The following TMPRSS11B variants were observed in gnomAD, a reference collection of about 807,000 sequenced individuals.
TMPRSS11B encodes transmembrane serine protease 11B, also known as transmembrane protease serine 11B.
TMPRSS11B carries 53 observed loss-of-function variants against 44.7 expected under a neutral mutation model. That is an observed-to-expected ratio of 1.19 (90% CI 0.95 to 1.49). The LOEUF is 1.49. TMPRSS11B is among the 40% of genes most tolerant of loss of function. The pLI is 0.00. For missense variants in TMPRSS11B, 526 were observed against 494.8 expected, an observed-to-expected ratio of 1.06 and a Z score of -0.60; for synonymous variants, 140 against 159.2, an observed-to-expected ratio of 0.88 and a Z score of 0.91.
chr4:68,231,665 GC>G (rs1719519792), intron 6 of TMPRSS11B, among the ~76,000 whole-genome samples: 1 of 152,120 alleles, frequency 6.6e-6, no homozygotes, highest in Non-Finnish European at 1.5e-5. Flanking sequence ...TGAAGGAGGA[GC>G]TTTGCCTCAT....
intron 2 of TMPRSS11B, among the ~76,000 whole-genome samples, chr4:68,237,664 T>G (rs1719709365): frequency 6.6e-6 from 1 of 152,172 alleles, no homozygotes; most frequent in African/African-American, 2.4e-5. Flanking sequence ...TCCCCAAATA[T>G]AAACTGCTTC....
In TMPRSS11B at chr4:68,226,915, A is replaced by G. The variant is rs1298299226; in HGVS notation, c.*996T>C. 6.6e-6 allele frequency: 1 copy of G among 152,246 alleles called. No homozygotes were observed. Among genetic ancestry groups the G allele is most frequent in the East Asian group, 1.9e-4 (1 of 5,200 alleles). The allele number at this position is 152,246 out of a possible 1,614,324, so 9.4% of individuals were successfully genotyped here. Reference sequence around the variant, plus strand: ...AATGTTATATAAATAATTGCCACTCAAAAGTCATTCTTTAATTCCTGACAA... The same window carrying G: ...AATGTTATATAAATAATTGCCACTCGAAAGTCATTCTTTAATTCCTGACAA... On this transcript the variant is annotated 3_prime_UTR_variant, in exon 10 of 10. Transcript: ENST00000332644.
At chr4:68,242,704 G>A (rs1475039366) in intron 1 of TMPRSS11B, among the ~76,000 whole-genome samples, 1 of 151,218 alleles carries the variant, frequency 6.6e-6, no homozygotes, top group Non-Finnish European at 1.5e-5. Context: ...CTGAGTATCT[G>A]GGACCACAGG....
chr4:68,237,720 T>C (rs1719711144), intron 2 of TMPRSS11B, among the ~76,000 whole-genome samples: 1 of 152,164 alleles, frequency 6.6e-6, no homozygotes, highest in Non-Finnish European at 1.5e-5. Flanking sequence ...ACAAGCCTCT[T>C]AAAAATAGGA....
Position 68,245,452 on chromosome 4 carries a change from T to C in TMPRSS11B, c.8+99A>G. 5.3e-6 allele frequency: 7 copies of C among 1,320,956 alleles called. No individual in the cohort carries two copies. In the South Asian group the frequency reaches 7.1e-5, roughly 13 times the overall value. The allele number at this position is 1,320,956 out of a possible 1,614,324, so 81.8% of individuals were successfully genotyped here. On this transcript the variant is annotated intron_variant, in intron 1 of 9. Transcript: ENST00000332644. Reference sequence around the variant, plus strand: ...CTTAACAGTGTCCAGGAATAAAAACTAAATTATAAAAACAGTCAATTAACA... The same window carrying C: ...CTTAACAGTGTCCAGGAATAAAAACCAAATTATAAAAACAGTCAATTAACA...
rs189562576 is a variant in TMPRSS11B at position 68,234,425 on chromosome 4, A to G, written c.469+38T>C. The G allele has an allele frequency of 3.2e-6, 5 of 1,575,346 alleles. No individual in the cohort carries two copies. The East Asian group carries it at 9.0e-5, about 28-fold the overall frequency. On this transcript the variant is annotated intron_variant, in intron 5 of 9. Transcript: ENST00000332644. ...TTTTTAAAAAAATAATCCAGAAAAAACCTATGTAATAGAAAATAATGGAAA... is the reference window on the plus strand; with the variant it reads ...TTTTTAAAAAAATAATCCAGAAAAAGCCTATGTAATAGAAAATAATGGAAA...
At chr4:68,229,192 T>A (rs1374158521) in intron 8 of TMPRSS11B, 65 bp downstream of exon 8, 1 of 1,288,984 alleles carries the variant, frequency 7.8e-7, no homozygotes, top group East Asian at 2.6e-5. Context: ...GATTGATTGA[T>A]TGATTGATTG....
intron 4 of TMPRSS11B, 67 bp downstream of exon 4, chr4:68,235,935 A>G (rs1480316191): frequency 2.3e-5 from 19 of 829,960 alleles, no homozygotes; most frequent in Non-Finnish European, 3.4e-5. Context: ...ATTGTTATCT[A>G]AAATCAAGGT....
At chr4:68,228,176 T>C (rs1719409805) in intron 9 of TMPRSS11B, 104 bp from the exon 10 acceptor site, 1 of 1,066,688 alleles carries the variant, frequency 9.4e-7, no homozygotes, top group Non-Finnish European at 1.3e-6. Flanking sequence ...ACCAATTCAC[T>C]CTCTTTGGGC....
intron 7 of TMPRSS11B, among the ~76,000 whole-genome samples, chr4:68,230,452 C>T (rs1719476517): frequency 6.6e-6 from 1 of 152,046 alleles, no homozygotes; most frequent in Non-Finnish European, 1.5e-5. Context: ...GATGGCAAGA[C>T]AAGGAAGCAC....
rs529014094 is a variant in TMPRSS11B, at chr4:68,230,769, A to G, written c.686+434T>C. On this transcript the variant is annotated intron_variant, in intron 7 of 9. Coordinates refer to ENST00000332644, the MANE Select transcript of TMPRSS11B (RefSeq NM_182502.3). ...CAGTGAGCTGAGATCGCACCATTGCACTCCAACCTGGGCAACAGATTGAGA... is the reference window on the plus strand; with the variant it reads ...CAGTGAGCTGAGATCGCACCATTGCGCTCCAACCTGGGCAACAGATTGAGA... Among the ~76,000 whole-genome samples, 3 of 149,778 alleles carry G rather than the reference A, an allele frequency of 2.0e-5. No individual in the cohort carries two copies. In the East Asian group the frequency reaches 6.0e-4, roughly 30 times the overall value.
At chr4:68,234,809 C>T (rs1330268121) in intron 4 of TMPRSS11B, among the ~76,000 whole-genome samples, 186 bp from the exon 5 acceptor site, 2 of 152,098 alleles carry the variant, frequency 1.3e-5, no homozygotes, top group Non-Finnish European at 2.9e-5. Context: ...ACGTCTAGTT[C>T]AGATGTGCTA....
intron 1 of TMPRSS11B, among the ~76,000 whole-genome samples, chr4:68,242,877 A>G (rs1265579615): frequency 6.6e-6 from 1 of 152,238 alleles, no homozygotes; most frequent in East Asian, 1.9e-4. Flanking sequence ...TATTTTCTAT[A>G]ATGTTTCTAC....
Position 68,229,328 on chromosome 4 carries a change from G to C in TMPRSS11B, c.875C>G (p.Pro292Arg). Reference sequence around the variant, plus strand: ...TTCTGAGAGCTTCATTTTGGCTTCAGGAAGACAAATCTTACGAATGTACTC... The same window carrying C: ...TTCTGAGAGCTTCATTTTGGCTTCACGAAGACAAATCTTACGAATGTACTC... ...FTEYIRKICL[P>R]EAKMKLSEND... Residue 292 changes from proline (P) to arginine (R), a missense_variant, in exon 8 of 10, where the codon CCT (proline) becomes CGT (arginine). By Grantham distance (103) the Pro-to-Arg change is moderately radical (BLOSUM62 -2). Coordinates refer to ENST00000332644, the MANE Select transcript of TMPRSS11B (RefSeq NM_182502.3). 1 of 1,613,800 alleles carries C rather than the reference G, an allele frequency of 6.2e-7. No homozygotes were observed. The highest frequency in any genetic ancestry group is 1.1e-5 in the South Asian group (1 of 91,042).
intron 1 of TMPRSS11B, among the ~76,000 whole-genome samples, chr4:68,242,216 A>AATATT (rs10540085): frequency 1.4e-5 from 1 of 73,134 alleles, no homozygotes; most frequent in Admixed American, 2.3e-4. Flanking sequence ...TAATATATAT[A>AATATT]ATATTATATT....
chr4:68,244,377 C>T (rs1188925258), intron 1 of TMPRSS11B, among the ~76,000 whole-genome samples: 1 of 152,202 alleles, frequency 6.6e-6, no homozygotes, highest in African/African-American at 2.4e-5. Context: ...GTAATCCCAG[C>T]ACTTTGGGAG....
intron 4 of TMPRSS11B, among the ~76,000 whole-genome samples, chr4:68,235,074 G>A (rs1350655136): frequency 1.3e-5 from 2 of 151,986 alleles, no homozygotes; most frequent in African/African-American, 2.4e-5. Flanking sequence ...TTCTTCCTAC[G>A]GTTTTTTTAT....
At chr4:68,237,211 T>C (rs984958900) in intron 2 of TMPRSS11B, among the ~76,000 whole-genome samples, 1 of 152,090 alleles carries the variant, frequency 6.6e-6, no homozygotes, top group African/African-American at 2.4e-5. Context: ...GTTCCTGTGT[T>C]AGTTTGCTGA....
chr4:68,228,911 T>C (rs766793492), intron 8 of TMPRSS11B, 27 bp from the exon 9 acceptor site: 11 of 1,604,300 alleles, frequency 6.9e-6, no homozygotes, highest in East Asian at 6.7e-5. Flanking sequence ...CTGCATATTA[T>C]GCAGATCTTA....
Sources: gnomAD v4.1 joint callset for allele counts (sites outside exome capture counted in the v4.1 genomes callset) on GRCh38, gnomAD v4.1.1 for gene constraint, MANE v1.5 for transcripts, NCBI Gene and HGNC (gene_info 2026-07-23, HGNC 2026-07-21) for gene names.